Variants in PITPNC1 observed in about 807,000 individuals in gnomAD.
The protein encoded by PITPNC1 is cytoplasmic phosphatidylinositol transfer protein 1.
Under a neutral mutation model 44.7 loss-of-function variants are expected in PITPNC1, and 18 were observed. The ratio of observed to expected loss-of-function variants is 0.40; its 90% CI spans 0.28 to 0.60. The LOEUF is 0.60. Ranked by LOEUF, PITPNC1 falls within the 20% of genes least tolerant of loss-of-function variation. The pLI, the probability that PITPNC1 is intolerant of heterozygous loss-of-function variation, is 0.39. For synonymous variants in PITPNC1, 141 were observed against 149.6 expected (o/e 0.94, Z 0.42); for missense variants, 290 against 418.4 (o/e 0.69, Z 2.68).
chr17:67,590,338 T>C (rs2041373633), intron 5 of PITPNC1, among the ~76,000 whole-genome samples: 1 of 152,208 alleles, frequency 6.6e-6, no homozygotes, highest in Admixed American at 6.5e-5. Context: ...TACACAGCAC[T>C]CTGACTATGT....
intron 1 of PITPNC1, among the ~76,000 whole-genome samples, chr17:67,399,451 C>A (rs912091587): frequency 2.3e-4 from 35 of 152,142 alleles, no homozygotes; most frequent in Non-Finnish European, 8.8e-5. Flanking sequence ...TTAGCCATTC[C>A]TGGGGGCAAA....
chr17:67,577,876 AG>A (rs2041170932), intron 4 of PITPNC1, among the ~76,000 whole-genome samples: 1 of 152,164 alleles, frequency 6.6e-6, no homozygotes, highest in Non-Finnish European at 1.5e-5. Flanking sequence ...GGCGTGATTT[AG>A]GGGTTTGCTT....
At chr17:67,606,872 G>A (rs2041615550) in intron 5 of PITPNC1, among the ~76,000 whole-genome samples, 1 of 152,080 alleles carries the variant, frequency 6.6e-6, no homozygotes, top group Non-Finnish European at 1.5e-5. Context: ...CACCCTCCCT[G>A]AGATTGTTCT....
chr17:67,485,789 C>T (rs921692036), intron 1 of PITPNC1, among the ~76,000 whole-genome samples: 26 of 151,974 alleles, frequency 1.7e-4, no homozygotes, highest in Non-Finnish European at 3.4e-4. Flanking sequence ...ATGACTTCTT[C>T]GGTCAAAAAA....
intron 8 of PITPNC1, among the ~76,000 whole-genome samples, chr17:67,682,642 C>T (rs2042732051): frequency 6.6e-6 from 1 of 152,164 alleles, no homozygotes; most frequent in African/African-American, 2.4e-5. Flanking sequence ...CCTCTGATAG[C>T]AGAGTCTCAA....
intron 1 of PITPNC1, among the ~76,000 whole-genome samples, chr17:67,384,781 A>G (rs557681519): frequency 6.6e-6 from 1 of 152,356 alleles, no homozygotes; most frequent in South Asian, 2.1e-4. Context: ...ATCAAGGCAG[A>G]AATTATTGAA....
chr17:67,545,050 G>A (rs981136683), intron 2 of PITPNC1, among the ~76,000 whole-genome samples: 4 of 152,092 alleles, frequency 2.6e-5, no homozygotes, highest in East Asian at 1.9e-4. Flanking sequence ...GGTGGTTCAC[G>A]CCTGTAATCC....
At chr17:67,562,294 C>T (rs1430709664) in intron 4 of PITPNC1, among the ~76,000 whole-genome samples, 3 of 152,158 alleles carry the variant, frequency 2.0e-5, no homozygotes, top group African/African-American at 4.8e-5. Context: ...CGGAGAGGCC[C>T]GCGTGCATTT....
chr17:67,606,267 C>G (rs1157055321), intron 5 of PITPNC1, among the ~76,000 whole-genome samples: 1 of 152,188 alleles, frequency 6.6e-6, no homozygotes, highest in Non-Finnish European at 1.5e-5. Flanking sequence ...AGGGAAAAGA[C>G]AGAAGTATTT....
At chr17:67,627,957 C>T in intron 5 of PITPNC1, among the ~76,000 whole-genome samples, 1 of 143,248 alleles carries the variant, frequency 7.0e-6, no homozygotes, top group Non-Finnish European at 1.5e-5. Context: ...GATGGCGTCT[C>T]ACTGTGTCGC....
chr17:67,413,959 T>C (rs188531752), intron 1 of PITPNC1, among the ~76,000 whole-genome samples: 1 of 152,282 alleles, frequency 6.6e-6, no homozygotes, highest in East Asian at 1.9e-4. Flanking sequence ...GATTTATTGG[T>C]ATTGCTACTT....
intron 2 of PITPNC1, among the ~76,000 whole-genome samples, chr17:67,548,618 C>T (rs991873832): frequency 2.6e-5 from 4 of 152,052 alleles, no homozygotes; most frequent in African/African-American, 9.7e-5. Flanking sequence ...GAGTAAGAAA[C>T]CAAAGCTTTT....
At chr17:67,502,788 G>A (rs186725174) in intron 1 of PITPNC1, among the ~76,000 whole-genome samples, 7 of 150,460 alleles carry the variant, frequency 4.7e-5, no homozygotes, top group African/African-American at 1.7e-4. Flanking sequence ...GTATTGTATT[G>A]TATTGTATTG....
At chr17:67,534,872 T>C (rs1159464484) in intron 2 of PITPNC1, among the ~76,000 whole-genome samples, 1 of 152,092 alleles carries the variant, frequency 6.6e-6, no homozygotes, top group Non-Finnish European at 1.5e-5. Context: ...CTGTCCATTC[T>C]CAGGGCCTCG....
chr17:67,492,034 A>G (rs1292523081), intron 1 of PITPNC1, among the ~76,000 whole-genome samples: 5 of 151,144 alleles, frequency 3.3e-5, no homozygotes, highest in African/African-American at 1.2e-4. Context: ...GATGTGCAAG[A>G]TGCCTTATGG....
chr17:67,386,891 C>G (rs2038062309), intron 1 of PITPNC1, among the ~76,000 whole-genome samples: 1 of 152,042 alleles, frequency 6.6e-6, no homozygotes, highest in South Asian at 2.1e-4. Flanking sequence ...ATTCAGCCCA[C>G]CGGGAGAGGA....
intron 1 of PITPNC1, among the ~76,000 whole-genome samples, chr17:67,460,740 CTTTTT>C (rs138545288): frequency 6.6e-5 from 8 of 121,542 alleles, no homozygotes; most frequent in African/African-American, 1.7e-4. Flanking sequence ...TTCTTTCTTT[CTTTTT>C]TTTTTTTTTT....
intron 2 of PITPNC1, among the ~76,000 whole-genome samples, chr17:67,550,858 G>A (rs1010170203): frequency 3.3e-5 from 5 of 152,062 alleles, no homozygotes; most frequent in Admixed American, 6.6e-5. Context: ...TCAGGAGATC[G>A]AGACCATCCT....
intron 1 of PITPNC1, chr17:67,379,129 C>T (rs1229651293): frequency 2.0e-6 from 2 of 985,898 alleles, no homozygotes; most frequent in Non-Finnish European, 2.4e-6. Flanking sequence ...CTGAGCGTCT[C>T]TGTCCAGGGA....
Sources: allele counts gnomAD v4.1 joint callset (sites outside exome capture counted in the v4.1 genomes callset), GRCh38; gene constraint gnomAD v4.1.1; transcripts MANE v1.5; gene names NCBI Gene and HGNC (gene_info 2026-07-23, HGNC 2026-07-21).